CAMKMT: variants seen among roughly 807,000 people sequenced by gnomAD.
CAMKMT encodes CaM KMT.
CAMKMT carries 53 observed loss-of-function variants against 48.0 expected under a neutral mutation model. The ratio of observed to expected loss-of-function variants is 1.10; its 90% CI spans 0.89 to 1.39. CAMKMT has a LOEUF of 1.39. Ranked by LOEUF, CAMKMT falls within the 40% of genes most tolerant of loss-of-function variation. The pLI is 0.00. For missense variants in CAMKMT, 428 were observed against 402.7 expected, an observed-to-expected ratio of 1.06 and a Z score of -0.54; for synonymous variants, 165 against 152.3, an observed-to-expected ratio of 1.08 and a Z score of -0.61.
At chr2:44,523,072 T>C (rs1300144752) in intron 3 of CAMKMT, among the ~76,000 whole-genome samples, 2 of 152,168 alleles carry the variant, frequency 1.3e-5, no homozygotes, top group East Asian at 3.8e-4. Flanking sequence ...CCATGTGTTT[T>C]AGATTTTGTT....
chr2:44,416,568 ATTTTTTTTTT>A (rs34882377), intron 3 of CAMKMT, among the ~76,000 whole-genome samples: 2 of 80,274 alleles, frequency 2.5e-5, no homozygotes. Flanking sequence ...ACTTAGCATG[ATTTTTTTTTT>A]TTTTTTTTTT....
chr2:44,545,933 A>G (rs1174868405), intron 3 of CAMKMT, among the ~76,000 whole-genome samples: 1 of 152,104 alleles, frequency 6.6e-6, no homozygotes. Flanking sequence ...ACAAGCTATA[A>G]GATTCTAATA....
intron 9 of CAMKMT, among the ~76,000 whole-genome samples, chr2:44,765,073 A>C (rs755559687): frequency 3.3e-5 from 5 of 152,106 alleles, no homozygotes; most frequent in African/African-American, 4.8e-5. Context: ...AAATACAAAA[A>C]AAAAATTAGC....
chr2:44,452,734 CTTTA>C (rs1667356036), intron 3 of CAMKMT, among the ~76,000 whole-genome samples: 1 of 151,900 alleles, frequency 6.6e-6, no homozygotes, highest in Non-Finnish European at 1.5e-5. Flanking sequence ...AGTAGCCTCT[CTTTA>C]TTAATGAAAA....
intron 3 of CAMKMT, among the ~76,000 whole-genome samples, chr2:44,500,357 A>T (rs1212655184): frequency 3.9e-5 from 6 of 152,192 alleles, no homozygotes; most frequent in Admixed American, 6.5e-5. Context: ...ATGTTGAAGT[A>T]TGAACTATCA....
intron 3 of CAMKMT, among the ~76,000 whole-genome samples, chr2:44,584,882 G>C (rs571840000): frequency 1.2e-4 from 18 of 152,132 alleles, no homozygotes; most frequent in African/African-American, 4.3e-4. Context: ...GTGAAACCCT[G>C]TCTCTACTAA....
At chr2:44,610,082 T>C (rs1431613518) in intron 3 of CAMKMT, among the ~76,000 whole-genome samples, 2 of 152,150 alleles carry the variant, frequency 1.3e-5, no homozygotes, top group African/African-American at 4.8e-5. Flanking sequence ...GAAGGAGGTT[T>C]ATATTATATA....
At chr2:44,682,114 C>T (rs962736752) in intron 3 of CAMKMT, among the ~76,000 whole-genome samples, 4 of 152,130 alleles carry the variant, frequency 2.6e-5, no homozygotes, top group African/African-American at 9.7e-5. Flanking sequence ...AGAGGGCTTC[C>T]CTTTAATTCC....
chr2:44,615,028 A>G (rs1400689961), intron 3 of CAMKMT, among the ~76,000 whole-genome samples: 1 of 137,320 alleles, frequency 7.3e-6, no homozygotes, highest in Non-Finnish European at 1.5e-5. Flanking sequence ...CCTGGGCTCA[A>G]GCAATCCTGC....
intron 1 of CAMKMT, among the ~76,000 whole-genome samples, chr2:44,371,525 G>C (rs890452404): frequency 1.3e-5 from 2 of 151,812 alleles, no homozygotes; most frequent in Non-Finnish European, 2.9e-5. Flanking sequence ...CTTTATTTTT[G>C]TTTGCTTATG....
At chr2:44,596,265 A>T (rs768846117) in intron 3 of CAMKMT, among the ~76,000 whole-genome samples, 2 of 152,010 alleles carry the variant, frequency 1.3e-5, no homozygotes, top group Non-Finnish European at 2.9e-5. Flanking sequence ...CCTGGCCAAC[A>T]TGGTGAAACC....
In CAMKMT at chr2:44,572,819, A is replaced by T. The variant is rs554841799; in HGVS notation, c.377-131464A>T. ...TCTCTGGAAGTGGAATTGCTGGATCATATGGTAATTTTATGTTTCATTATT... is the reference window on the plus strand; with the variant it reads ...TCTCTGGAAGTGGAATTGCTGGATCTTATGGTAATTTTATGTTTCATTATT... On this transcript the variant is annotated intron_variant, in intron 3 of 10. Coordinates refer to ENST00000378494, the MANE Select transcript of CAMKMT (RefSeq NM_024766.5). Among the ~76,000 whole-genome samples, 12 of 152,318 alleles carry T rather than the reference A, an allele frequency of 7.9e-5. 1 individual carries two copies. The South Asian group carries it at 2.5e-3, about 32-fold the overall frequency.
At chr2:44,746,064 T>G (rs142351698) in intron 8 of CAMKMT, among the ~76,000 whole-genome samples, 63 of 152,308 alleles carry the variant, frequency 4.1e-4, no homozygotes, top group African/African-American at 1.4e-3. Context: ...AAATCCTCAG[T>G]GTCAGGAAGA....
chr2:44,631,667 T>G (rs1158815442), intron 3 of CAMKMT: 1 of 414,740 alleles, frequency 2.4e-6, no homozygotes, highest in East Asian at 3.6e-5. Context: ...TGACAAGTTT[T>G]TCTTTTTAAT....
chr2:44,495,063 A>G (rs1312010373), intron 3 of CAMKMT, among the ~76,000 whole-genome samples: 1 of 152,232 alleles, frequency 6.6e-6, no homozygotes, highest in Non-Finnish European at 1.5e-5. Context: ...ATGTAATAAA[A>G]TAAGCAGTAT....
intron 7 of CAMKMT, among the ~76,000 whole-genome samples, chr2:44,726,510 A>G (rs2104332859): frequency 6.6e-6 from 1 of 152,260 alleles, no homozygotes; most frequent in Middle Eastern, 3.4e-3. Context: ...TAGAGATTCT[A>G]GATATTATGC....
chr2:44,423,517 A>C (rs551572637), intron 3 of CAMKMT, among the ~76,000 whole-genome samples: 1 of 152,140 alleles, frequency 6.6e-6, no homozygotes, highest in Non-Finnish European at 1.5e-5. Flanking sequence ...TTCAAGCATC[A>C]GTTCTCTGTC....
intron 3 of CAMKMT, 60 bp from the exon 4 acceptor site, chr2:44,704,223 A>G: frequency 7.3e-7 from 1 of 1,375,308 alleles, no homozygotes; most frequent in Non-Finnish European, 1.0e-6. Context: ...TATTTTTAAA[A>G]GCCGTTTCTT....
chr2:44,693,728 A>G (rs1014768579), intron 3 of CAMKMT, among the ~76,000 whole-genome samples: 17 of 152,132 alleles, frequency 1.1e-4, no homozygotes, highest in African/African-American at 3.1e-4. Flanking sequence ...AAAAGGAGAC[A>G]GAGTACAAAG....
Sources: allele counts gnomAD v4.1 joint callset (sites outside exome capture counted in the v4.1 genomes callset), GRCh38; gene constraint gnomAD v4.1.1; transcripts MANE v1.5; gene names NCBI Gene and HGNC (gene_info 2026-07-23, HGNC 2026-07-21).